HLA-F: variants seen among roughly 807,000 people sequenced by gnomAD.
The protein encoded by HLA-F is HLA class I histocompatibility antigen, alpha chain F.
Under a neutral mutation model 49.5 loss-of-function variants are expected in HLA-F, and 46 were observed. That is an observed-to-expected ratio of 0.93 (90% CI 0.73 to 1.19). The LOEUF is 1.19. Among genes scored for constraint, HLA-F ranks in the 50% most tolerant of loss-of-function variants. The pLI, the probability that HLA-F is intolerant of heterozygous loss-of-function variation, is 0.00. For missense variants in HLA-F, 496 were observed against 579.6 expected (o/e 0.86, Z 1.48); for synonymous variants, 203 against 233.5 (o/e 0.87, Z 1.19).
chr6:29,724,446 C>G lies in HLA-F; in HGVS notation c.608C>G (p.Ala203Gly). ...AATGGGAAGGAGACGCTACAGCGCG[C>G]AGGTACCAGGGGCCATGGGCGCCTT... ...LENGKETLQR[A>G]DPPKAHVAHH... Residue 203 changes from alanine (A) to glycine (G), a missense_variant and splice_region_variant, in exon 3 of 7, where the codon GCA becomes GGA. Coordinates refer to ENST00000259951, the MANE Select transcript of HLA-F (RefSeq NM_001098479.2). 1.9e-6 allele frequency: 3 copies of G among 1,612,766 alleles called. No homozygotes were observed. The highest frequency in any genetic ancestry group is 2.5e-6 in the Non-Finnish European group (3 of 1,179,672).
rs1424956580 is a variant in HLA-F, at chr6:29,723,436, A to G, written c.-28A>G. On this transcript the variant is annotated 5_prime_UTR_variant, in exon 1 of 7. In the 5' UTR this introduces an upstream ATG that the reference lacks. Transcript: ENST00000259951. Reference sequence around the variant, plus strand: ...GTCCCACGCACCCCGCGGGACTCATATTTTTCCCAGACGCGGAGGTTGGGG... The same window carrying G: ...GTCCCACGCACCCCGCGGGACTCATGTTTTTCCCAGACGCGGAGGTTGGGG... 2 of 1,612,570 alleles carry G rather than the reference A, an allele frequency of 1.2e-6. No homozygotes were observed. The highest frequency in any genetic ancestry group is 2.2e-5 in the East Asian group (1 of 44,848).
rs1379023984 is a variant in HLA-F at position 29,723,643 on chromosome 6, C to A, written c.65-15C>A. On this transcript the variant is annotated splice_polypyrimidine_tract_variant and intron_variant, in intron 1 of 6. Transcript: ENST00000259951. ...GAGGAGGGTCTGGCGGGTCTCAGCC[C>A]CTCCTCGCCCCCAGGCTCCCACTCC... 6.2e-7 allele frequency: 1 copy of A among 1,605,840 alleles called. No individual in the cohort carries two copies. The highest frequency in any genetic ancestry group is 2.2e-5 in the East Asian group (1 of 44,758).
At chr6:29,737,862 C>T (rs1423817703) in intron 3 of HLA-F, 1 of 152,252 alleles carries the variant, frequency 6.6e-6, no homozygotes, top group Non-Finnish European at 1.5e-5. Flanking sequence ...TGTCCAGGGT[C>T]TATTCTTTGA....
In HLA-F at chr6:29,723,445, A is replaced by C; in HGVS notation, c.-19A>C. Reference sequence around the variant, plus strand: ...ACCCCGCGGGACTCATATTTTTCCCAGACGCGGAGGTTGGGGTCATGGCGC... The same window carrying C: ...ACCCCGCGGGACTCATATTTTTCCCCGACGCGGAGGTTGGGGTCATGGCGC... On this transcript the variant is annotated 5_prime_UTR_variant, in exon 1 of 7. Transcript: ENST00000259951. 6.2e-7 allele frequency: 1 copy of C among 1,613,138 alleles called. No individual in the cohort carries two copies. Among genetic ancestry groups the C allele is most frequent in the Non-Finnish European group, 8.5e-7 (1 of 1,179,838 alleles).
At chr6:29,732,743 G>A (rs927490499) in intron 3 of HLA-F, among the ~76,000 whole-genome samples, 19 of 151,840 alleles carry the variant, frequency 1.3e-4, no homozygotes, top group African/African-American at 3.9e-4. Flanking sequence ...CCACCATGCC[G>A]GCCAAAAAAG....
rs764964427 is a variant in HLA-F, at chr6:29,724,422, A to G, written c.584A>G (p.Asn195Ser). ...GAGTTGCTCCGCAGATACTTGGAGA[A>G]TGGGAAGGAGACGCTACAGCGCGCA... The part of the protein sequence containing the change: ...CLELLRRYLE[N>S]GKETLQRADP... Residue 195 changes from asparagine (N) to serine (S), a missense_variant, in exon 3 of 7, where the codon AAT becomes AGT. Transcript: ENST00000259951. 6.2e-7 allele frequency: 1 copy of G among 1,613,280 alleles called. No individual in the cohort carries two copies. The highest frequency in any genetic ancestry group is 1.1e-5 in the South Asian group (1 of 91,090).
chr6:29,725,642 C>T, intron 5 of HLA-F, 79 bp downstream of exon 5: 1 of 1,213,404 alleles, frequency 8.2e-7, no homozygotes, highest in Non-Finnish European at 1.2e-6. Context: ...GTGTGCCCTG[C>T]CTCATTACTG....
chr6:29,724,513 T>C, intron 3 of HLA-F, 65 bp downstream of exon 3: 1 of 1,556,142 alleles, frequency 6.4e-7, no homozygotes, highest in East Asian at 2.3e-5. Context: ...TCGCACAAGG[T>C]TGGGAGGAAA....
At chr6:29,726,678 C>A in intron 6 of HLA-F, 1 of 1,433,636 alleles carries the variant, frequency 7.0e-7, no homozygotes, top group Non-Finnish European at 9.7e-7. Context: ...TTTAGGTGAT[C>A]CCAATTTTGG....
At chr6:29,728,321 T>A (rs952016969), downstream of HLA-F, 1 of 351,950 alleles carries the variant, frequency 2.8e-6, no homozygotes, top group South Asian at 2.1e-5. Context: ...TCCATCTGTA[T>A]GCCTGTAGTG....
chr6:29,724,067 A>G (rs1337701858), intron 2 of HLA-F, 106 bp from the exon 3 acceptor site: 3 of 1,551,104 alleles, frequency 1.9e-6, no homozygotes, highest in Non-Finnish European at 1.7e-6. Context: ...GGAGAGTCCC[A>G]GGCGCCTTTA....
rs139864415 is a variant in HLA-F at position 29,725,157 on chromosome 6, C to T, written c.737C>T (p.Thr246Ile). Residue 246 changes from threonine to isoleucine, a missense_variant, in exon 4 of 7, where the codon ACC (threonine) becomes ATC (isoleucine). Thr to Ile is a moderately conservative substitution (Grantham distance 89). Transcript: ENST00000259951. ...TGGCAGCGGGATGGGGAGGAACAGA[C>T]CCAGGACACAGAGCTTGTGGAGACC... ...LTWQRDGEEQ[T>I]QDTELVETRP... The T allele has an allele frequency of 6.2e-7, 1 of 1,614,060 alleles. No homozygotes were observed. Among genetic ancestry groups the T allele is most frequent in the African/African-American group, 1.3e-5 (1 of 75,018 alleles).
intron 3 of HLA-F, chr6:29,736,539 G>A (rs1736915): frequency 0.27 from 98,370 of 369,964 alleles, 13,702 homozygotes; most frequent in South Asian, 0.33. Context: ...AACCATAAGT[G>A]GGCCGTGGAT....
In HLA-F at chr6:29,725,196, A is replaced by ATGGAACC; in HGVS notation, c.778_784dup (p.Phe262TrpfsTer77). On this transcript the variant is annotated frameshift_variant, in exon 4 of 7. Transcript: ENST00000259951. LOFTEE classifies it high-confidence loss of function. ...CTTGTGGAGACCAGGCCTGCAGGGGATGGAACCTTCCAGAAGTGGGCCGCT... is the reference window on the plus strand; with the variant it reads ...CTTGTGGAGACCAGGCCTGCAGGGGATGGAACCTGGAACCTTCCAGAAGTGGGCCGCT... The ATGGAACC allele has an allele frequency of 6.2e-7, 1 of 1,614,120 alleles. No homozygotes were observed. The highest frequency in any genetic ancestry group is 8.5e-7 in the Non-Finnish European group (1 of 1,180,028).
Position 29,726,984 on chromosome 6 carries a change from A to G in HLA-F, c.1138A>G (p.Ser380Gly), listed in dbSNP as rs762043333. The G allele has an allele frequency of 6.2e-7, 1 of 1,613,306 alleles. No individual in the cohort carries two copies. Among genetic ancestry groups the G allele is most frequent in the African/African-American group, 1.3e-5 (1 of 75,026 alleles). ...ATATTTGGGCTGCCTCCGGAGTCACAGTGTCTTGGGCCGCCGGAAGGTGGG... is the reference window on the plus strand; with the variant it reads ...ATATTTGGGCTGCCTCCGGAGTCACGGTGTCTTGGGCCGCCGGAAGGTGGG... ...QGYLGCLRSH[S>G]VLGRRKVGDM... Residue 380 changes from serine (S) to glycine (G), a missense_variant, in exon 7 of 7, where the codon AGT becomes GGT. Coordinates refer to ENST00000259951, the MANE Select transcript of HLA-F (RefSeq NM_001098479.2).
intron 2 of HLA-F, 29 bp from the exon 3 acceptor site, chr6:29,724,144 G>A (rs1305330278): frequency 6.2e-7 from 1 of 1,612,308 alleles, no homozygotes; most frequent in African/African-American, 1.3e-5. Flanking sequence ...GGGGCTAGCT[G>A]GGCGGGGCTG....
intron 3 of HLA-F, among the ~76,000 whole-genome samples, chr6:29,737,217 G>T (rs1194966295): frequency 3.1e-5 from 1 of 32,232 alleles, no homozygotes; most frequent in Non-Finnish European, 4.7e-5. Context: ...AATCCTCATG[G>T]CAAAAAAAAA....
downstream of HLA-F, among the ~76,000 whole-genome samples, chr6:29,729,871 A>G (rs1040417819): frequency 6.6e-6 from 1 of 152,212 alleles, no homozygotes; most frequent in Non-Finnish European, 1.5e-5. Flanking sequence ...AGATATACAA[A>G]TGGGCAATAG....
Position 29,723,871 on chromosome 6 carries a change from A to C in HLA-F, c.278A>C (p.Gln93Pro). 6.3e-7 allele frequency: 1 copy of C among 1,596,500 alleles called. No homozygotes were observed. The highest frequency in any genetic ancestry group is 8.5e-7 in the Non-Finnish European group (1 of 1,171,746). Residue 93 changes from glutamine to proline, a missense_variant, in exon 2 of 7, where the codon CAG (glutamine) becomes CCG (proline). Transcript: ENST00000259951. ...ACAGGGTACGCCAAGGCCAACGCAC[A>C]GACTGACCGAGTGGCCCTGAGGAAC... The part of the protein sequence containing the change: ...WTTGYAKANA[Q>P]TDRVALRNLL...
Sources: allele counts gnomAD v4.1 joint callset (sites outside exome capture counted in the v4.1 genomes callset), GRCh38; gene constraint gnomAD v4.1.1; transcripts MANE v1.5; gene names NCBI Gene and HGNC (gene_info 2026-07-23, HGNC 2026-07-21).